The following BCAS3 variants were observed in gnomAD, a reference collection of about 807,000 sequenced individuals.
BCAS3 encodes the protein BCAS3 microtubule associated cell migration factor, also known as BCAS4/BCAS3 fusion.
A neutral mutation model predicts 116.1 loss-of-function variants in BCAS3; 53 were observed. The ratio of observed to expected loss-of-function variants is 0.46; its 90% CI spans 0.37 to 0.57. The LOEUF (loss-of-function observed/expected upper bound fraction) is 0.57, where lower values mean the gene tolerates loss of function less well. BCAS3 is among the 20% of genes least tolerant of loss of function. The probability of loss-of-function intolerance (pLI) is 0.00; values close to 1 mark genes in which losing one functional copy is unlikely to be tolerated. For missense variants in BCAS3, 917 were observed against 1,165.4 expected (o/e 0.79, Z 3.10); for synonymous variants, 391 against 408.2 (o/e 0.96, Z 0.51).
chr17:60,710,571 A>G (rs1022353049), intron 5 of BCAS3, among the ~76,000 whole-genome samples: 14 of 151,480 alleles, frequency 9.2e-5, no homozygotes, highest in African/African-American at 2.9e-4. Context: ...AGCTGGGACT[A>G]TAGGCGCCCG....
chr17:60,910,703 G>A lies in BCAS3; in HGVS notation c.993+1G>A. Reference sequence around the variant, plus strand: ...CACCGAAACCGTTGGAGAGGGCCAGGTAAGAAGAACTTTTGGTGCGTACCA... The same window carrying A: ...CACCGAAACCGTTGGAGAGGGCCAGATAAGAAGAACTTTTGGTGCGTACCA... On this transcript the variant is annotated splice_donor_variant, in intron 12 of 23. Coordinates refer to ENST00000407086, the MANE Select transcript of BCAS3 (RefSeq NM_017679.5). LOFTEE classifies it high-confidence loss of function. The A allele has an allele frequency of 6.2e-7, 1 of 1,600,666 alleles. No homozygotes were observed. Among genetic ancestry groups the A allele is most frequent in the Non-Finnish European group, 8.5e-7 (1 of 1,173,742 alleles).
At chr17:61,142,767 G>A (rs1234814274) in intron 22 of BCAS3, among the ~76,000 whole-genome samples, 4 of 152,130 alleles carry the variant, frequency 2.6e-5, no homozygotes, top group South Asian at 2.1e-4. Context: ...TGGATGGGAC[G>A]GGATTGGCCT....
At chr17:61,025,756 C>T (rs187672891) in intron 16 of BCAS3, among the ~76,000 whole-genome samples, 1 of 152,098 alleles carries the variant, frequency 6.6e-6, no homozygotes, top group Admixed American at 6.6e-5. Flanking sequence ...TTCCTTCTAC[C>T]TCACTTTCTT....
chr17:61,098,650 A>G lies in BCAS3; in HGVS notation c.2425+14086A>G, dbSNP rs370887577. On this transcript the variant is annotated intron_variant, in intron 22 of 23. Transcript: ENST00000407086. The surrounding 1 kb of genome is among the most constrained non-coding windows in gnomAD (Gnocchi z 4.2). ...TCGGTTAGCAGATTTTATGGCATCC[A>G]TGATCCATGGACAAGAGTGAGTAGA... Among the ~76,000 whole-genome samples the G allele has an allele frequency of 3.3e-5, 5 of 152,212 alleles. No homozygotes were observed. Among genetic ancestry groups the G allele is most frequent in the Non-Finnish European group, 5.9e-5 (4 of 68,040 alleles).
At chr17:61,137,642 G>A (rs554335936) in intron 22 of BCAS3, among the ~76,000 whole-genome samples, 3 of 152,296 alleles carry the variant, frequency 2.0e-5, no homozygotes, top group African/African-American at 7.2e-5. Context: ...GGTGGCACAC[G>A]CCTGTAATCT....
intron 23 of BCAS3, among the ~76,000 whole-genome samples, chr17:61,372,203 G>A (rs183095531): frequency 1.1e-3 from 173 of 152,102 alleles, no homozygotes; most frequent in Non-Finnish European, 1.4e-3. Context: ...TCATAGCCCC[G>A]CCCCCATTCT....
In BCAS3 at chr17:60,722,122, C is replaced by A. The variant is rs137945717; in HGVS notation, c.321+12797C>A. ...TATATGACTGATAGACATTTTTGTT[C>A]CCAGTTTTTGAGTATTATTAATAAA... is the stretch of plus-strand genomic sequence containing the variant. On this transcript the variant is annotated intron_variant, in intron 5 of 23. Coordinates refer to ENST00000407086, the MANE Select transcript of BCAS3 (RefSeq NM_017679.5). 7.0e-3 allele frequency among the ~76,000 whole-genome samples: 1,071 copies of A among 151,942 alleles called. 13 individuals carry two copies. The highest frequency in any genetic ancestry group is 0.024 in the African/African-American group (996 of 41,428).
At chr17:60,799,544 T>TTTTTTTTTTTTTTTG (rs2047539986) in intron 6 of BCAS3, among the ~76,000 whole-genome samples, 1 of 142,596 alleles carries the variant, frequency 7.0e-6, no homozygotes, top group African/African-American at 2.7e-5. Context: ...TTTTTTTTTT[T>TTTTTTTTTTTTTTTG]TGGAGACAGA....
At position 61,392,166 on chromosome 17, in the gene BCAS3, G is replaced by C. The variant is rs1269436854; in HGVS notation, c.*41G>C. On this transcript the variant is annotated 3_prime_UTR_variant, in exon 24 of 24. Transcript: ENST00000407086. The surrounding 1 kb of genome is among the most constrained non-coding windows in gnomAD (Gnocchi z 6.4). ...TTCTGACTGGCCAGCCCCCTCCCCT[G>C]CTGGAGGAGGGGAGAAGCCCCGCTC... is the stretch of plus-strand genomic sequence containing the variant. 1 of 1,596,042 alleles carries C rather than the reference G, an allele frequency of 6.3e-7. No homozygotes were observed.
intron 19 of BCAS3, among the ~76,000 whole-genome samples, chr17:61,049,730 C>CT (rs1027378849): frequency 0.013 from 1,592 of 120,756 alleles, 29 homozygotes; most frequent in African/African-American, 0.025. Context: ...CTTTTCTTTT[C>CT]TTTTTTTTTT....
chr17:61,297,440 C>T (rs930732353), intron 22 of BCAS3, among the ~76,000 whole-genome samples: 10 of 151,942 alleles, frequency 6.6e-5, no homozygotes, highest in Admixed American at 2.6e-4. Context: ...GTGTGTATGC[C>T]GGGGGAGGGC....
chr17:61,175,717 G>A (rs1200992472), intron 22 of BCAS3, among the ~76,000 whole-genome samples: 2 of 152,124 alleles, frequency 1.3e-5, no homozygotes, highest in African/African-American at 4.8e-5. Context: ...AATATTAACG[G>A]AAGCTACACA....
chr17:60,711,343 GT>G (rs535491157), intron 5 of BCAS3, among the ~76,000 whole-genome samples: 31 of 150,480 alleles, frequency 2.1e-4, no homozygotes, highest in African/African-American at 7.6e-4. Flanking sequence ...ATTTGGCAGT[GT>G]TTTTTTTTCT....
Position 61,235,351 on chromosome 17 carries a change from C to A in BCAS3, c.2426-132976C>A, listed in dbSNP as rs1386419100. On this transcript the variant is annotated intron_variant, in intron 22 of 23. Coordinates refer to ENST00000407086, the MANE Select transcript of BCAS3 (RefSeq NM_017679.5). This position sits in a 1 kb window ranked among gnomAD's most constrained non-coding sequence, Gnocchi z 5.0. ...GCAGACAGGCAGCCTGGGAAGATCT[C>A]AAACAAGTAACCTTCAATGAAAATG... Among the ~76,000 whole-genome samples the A allele has an allele frequency of 6.6e-6, 1 of 152,180 alleles. No homozygotes were observed. The highest frequency in any genetic ancestry group is 2.4e-5 in the African/African-American group (1 of 41,440).
At chr17:61,330,232 CCCCT>C (rs950984566) in intron 22 of BCAS3, among the ~76,000 whole-genome samples, 19 of 149,758 alleles carry the variant, frequency 1.3e-4, no homozygotes, top group African/African-American at 3.0e-4. Flanking sequence ...CCTCTTCTCT[CCCCT>C]CCCTCCCTCC....
At chr17:60,701,242 CA>C (rs999807636) in intron 4 of BCAS3, among the ~76,000 whole-genome samples, 4 of 141,858 alleles carry the variant, frequency 2.8e-5, no homozygotes, top group Non-Finnish European at 3.1e-5. Context: ...AGTCTGTCTC[CA>C]AAAAAAAAAT....
chr17:61,050,876 G>A (rs577031739), intron 19 of BCAS3, among the ~76,000 whole-genome samples: 24 of 151,888 alleles, frequency 1.6e-4, no homozygotes, highest in African/African-American at 4.8e-4. Flanking sequence ...GAATCTTCTC[G>A]GCTCTAAAAC....
At chr17:61,351,298 G>A (rs978037919) in intron 22 of BCAS3, among the ~76,000 whole-genome samples, 6 of 152,152 alleles carry the variant, frequency 3.9e-5, no homozygotes, top group African/African-American at 1.4e-4. Context: ...GCTGCATCCT[G>A]AACTATTTTT....
In BCAS3 at chr17:61,198,138, T is replaced by G. The variant is rs2080598356; in HGVS notation, c.2425+113574T>G. On this transcript the variant is annotated intron_variant, in intron 22 of 23. Coordinates refer to ENST00000407086, the MANE Select transcript of BCAS3 (RefSeq NM_017679.5). The surrounding 1 kb of genome is among the most constrained non-coding windows in gnomAD (Gnocchi z 5.0). Reference sequence around the variant, plus strand: ...AAGATAAAGTGCAAGATATGTTTTTTTTTTTTCTTTTTTTTTTTTTGAGAC... The same window carrying G: ...AAGATAAAGTGCAAGATATGTTTTTGTTTTTTCTTTTTTTTTTTTTGAGAC... 6.6e-6 allele frequency among the ~76,000 whole-genome samples: 1 copy of G among 151,978 alleles called. No individual in the cohort carries two copies. The highest frequency in any genetic ancestry group is 1.5e-5 in the Non-Finnish European group (1 of 67,994).
Sources: allele counts gnomAD v4.1 joint callset (sites outside exome capture counted in the v4.1 genomes callset), GRCh38; gene constraint gnomAD v4.1.1; non-coding constraint Gnocchi (gnomAD v3.1); transcripts MANE v1.5; gene names NCBI Gene and HGNC (gene_info 2026-07-23, HGNC 2026-07-21).